Variants in SHB observed in about 807,000 individuals in gnomAD.
SHB encodes the protein SH2 domain-containing adapter protein B.
SHB carries 20 observed loss-of-function variants against 52.3 expected under a neutral mutation model. The ratio of observed to expected loss-of-function variants is 0.38; its 90% CI spans 0.27 to 0.56. SHB has a LOEUF of 0.56. Ranked by LOEUF, SHB falls within the 20% of genes least tolerant of loss-of-function variation. The probability of loss-of-function intolerance (pLI) is 0.71; values close to 1 mark genes in which losing one functional copy is unlikely to be tolerated. For missense variants in SHB, 825 were observed against 723.3 expected (o/e 1.14, Z -1.61); for synonymous variants, 397 against 316.5 (o/e 1.25, Z -2.70).
chr9:37,929,543 C>G (rs530936110), intron 5 of SHB, among the ~76,000 whole-genome samples: 1 of 152,292 alleles, frequency 6.6e-6, no homozygotes, highest in Admixed American at 6.5e-5. Context: ...GCTGTCTGGG[C>G]TGAGCACTGA....
At chr9:38,065,106 A>G (rs1432679133) in intron 1 of SHB, among the ~76,000 whole-genome samples, 1 of 152,194 alleles carries the variant, frequency 6.6e-6, no homozygotes, top group Non-Finnish European at 1.5e-5. Context: ...GACCTCTAAC[A>G]ATAGATAAAG....
chr9:37,941,830 T>C (rs1438603321), intron 5 of SHB, among the ~76,000 whole-genome samples: 1 of 151,952 alleles, frequency 6.6e-6, no homozygotes. Flanking sequence ...GAGCTAGGTG[T>C]CTGGAGTCTC....
intron 1 of SHB, among the ~76,000 whole-genome samples, chr9:38,052,906 T>A (rs1821769134): frequency 1.3e-5 from 2 of 152,228 alleles, no homozygotes; most frequent in African/African-American, 2.4e-5. Context: ...TCCTTATGCA[T>A]GAAGGCCCAG....
At chr9:38,022,577 C>G (rs548190100) in intron 1 of SHB, among the ~76,000 whole-genome samples, 5 of 152,324 alleles carry the variant, frequency 3.3e-5, no homozygotes, top group Non-Finnish European at 4.4e-5. Flanking sequence ...GCACAAGTGC[C>G]TCTGTCCCCG....
At chr9:38,016,489 G>A (rs1821214538) in intron 1 of SHB, among the ~76,000 whole-genome samples, 1 of 152,228 alleles carries the variant, frequency 6.6e-6, no homozygotes, top group African/African-American at 2.4e-5. Context: ...TTAATGGAAT[G>A]GAAGTGGAGG....
intron 3 of SHB, among the ~76,000 whole-genome samples, chr9:37,962,506 TTTC>T (rs201005548): frequency 4.9e-5 from 6 of 121,410 alleles, no homozygotes; most frequent in Non-Finnish European, 1.1e-4. Flanking sequence ...TGGCTTCATC[TTTC>T]TTTTTTTTTT....
chr9:38,027,371 C>T (rs995614400), intron 1 of SHB, among the ~76,000 whole-genome samples: 5 of 152,168 alleles, frequency 3.3e-5, no homozygotes, highest in African/African-American at 9.6e-5. Context: ...CCAAGGGATA[C>T]ATAGTGCCTG....
intron 1 of SHB, among the ~76,000 whole-genome samples, chr9:38,042,367 T>C (rs1380017858): frequency 6.6e-6 from 1 of 152,194 alleles, no homozygotes; most frequent in Non-Finnish European, 1.5e-5. Flanking sequence ...GCCCTTTAAT[T>C]ACTGAGGAGC....
At chr9:37,924,537 T>C (rs1204769240) in intron 5 of SHB, among the ~76,000 whole-genome samples, 1 of 152,162 alleles carries the variant, frequency 6.6e-6, no homozygotes, top group Non-Finnish European at 1.5e-5. Flanking sequence ...GTTACAGGAC[T>C]CCAGACACAG....
intron 5 of SHB, among the ~76,000 whole-genome samples, chr9:37,946,132 C>T (rs975717458): frequency 6.6e-6 from 1 of 152,214 alleles, no homozygotes; most frequent in Non-Finnish European, 1.5e-5. Flanking sequence ...GACACTGAGG[C>T]CCCTATGGCG....
chr9:37,922,544 CA>C (rs1439202635), intron 5 of SHB, among the ~76,000 whole-genome samples: 2 of 152,192 alleles, frequency 1.3e-5, no homozygotes, highest in African/African-American at 2.4e-5. Flanking sequence ...TTATCACCCC[CA>C]ACACACTCCT....
In SHB at chr9:38,068,201, C is replaced by G; in HGVS notation, c.445G>C (p.Ala149Pro). 7.1e-7 allele frequency: 1 copy of G among 1,400,362 alleles called. No individual in the cohort carries two copies. The highest frequency in any genetic ancestry group is 9.2e-7 in the Non-Finnish European group (1 of 1,090,340). 86.7% of individuals were successfully genotyped at this position (1,400,362 alleles called of 1,614,324 possible). A position where few individuals can be genotyped will look rare whatever the true frequency, so the allele number is the denominator to read the frequency against. Residue 149 changes from alanine (A) to proline (P), a missense_variant, in exon 1 of 6, where the codon GCC becomes CCC. Coordinates refer to ENST00000377707, the MANE Select transcript of SHB (RefSeq NM_003028.3). ...CCCASSGAGA[A>P]ASSSSSSGSP... ...CCGGAGGACGAGGACGAGGACGCGG[C>G]GGCCCCCGCGCCCGAGGAGGCGCAG...
chr9:38,007,750 A>G (rs7028020), intron 2 of SHB, among the ~76,000 whole-genome samples: 75,933 of 151,984 alleles, frequency 0.5, 19,014 homozygotes, highest in Middle Eastern at 0.55. Context: ...ACATCTCAGC[A>G]GTGAGACAGA....
At chr9:38,041,056 C>G (rs1472111290) in intron 1 of SHB, among the ~76,000 whole-genome samples, 3 of 152,138 alleles carry the variant, frequency 2.0e-5, no homozygotes, top group East Asian at 1.9e-4. Flanking sequence ...TTGTCCTTAC[C>G]GAAGTCCTCT....
At chr9:37,941,005 C>T (rs1244042654) in intron 5 of SHB, among the ~76,000 whole-genome samples, 7 of 152,308 alleles carry the variant, frequency 4.6e-5, no homozygotes, top group South Asian at 4.2e-4. Context: ...CAAAGCACAA[C>T]GTACAGAGTG....
intron 3 of SHB, among the ~76,000 whole-genome samples, chr9:37,965,387 A>G (rs549254843): frequency 2.6e-5 from 4 of 152,218 alleles, no homozygotes; most frequent in Admixed American, 6.5e-5. Context: ...GGTGGCAGCC[A>G]CAGCAGTCAA....
intron 1 of SHB, among the ~76,000 whole-genome samples, chr9:38,066,894 G>C (rs1013881260): frequency 6.6e-6 from 1 of 152,204 alleles, no homozygotes; most frequent in Non-Finnish European, 1.5e-5. Context: ...TTTACCTTTG[G>C]GGGAAGAAGG....
intron 3 of SHB, among the ~76,000 whole-genome samples, chr9:37,964,317 G>C (rs1013422526): frequency 6.6e-6 from 1 of 152,210 alleles, no homozygotes; most frequent in African/African-American, 2.4e-5. Flanking sequence ...CTGGGTTCCA[G>C]GAACGCCGTA....
At chr9:37,986,737 C>A (rs537901953) in intron 2 of SHB, among the ~76,000 whole-genome samples, 2 of 152,206 alleles carry the variant, frequency 1.3e-5, no homozygotes, top group Non-Finnish European at 2.9e-5. Flanking sequence ...TGGGCTAGCA[C>A]GGGTGGCATC....
Sources: gnomAD v4.1 joint callset for allele counts (sites outside exome capture counted in the v4.1 genomes callset) on GRCh38, gnomAD v4.1.1 for gene constraint, MANE v1.5 for transcripts, NCBI Gene and HGNC (gene_info 2026-07-23, HGNC 2026-07-21) for gene names.